STPG2: variants seen among roughly 807,000 people sequenced by gnomAD.
STPG2 encodes sperm tail PG-rich repeat containing 2.
Under a neutral mutation model 54.2 loss-of-function variants are expected in STPG2, and 56 were observed. That is an observed-to-expected ratio of 1.03 (90% CI 0.83 to 1.29). The LOEUF is 1.29. Ranked by LOEUF, STPG2 falls within the 50% of genes most tolerant of loss-of-function variation. The pLI is 0.00. For missense variants in STPG2, 596 were observed against 544.9 expected (o/e 1.09, Z -0.93); for synonymous variants, 200 against 181.8 (o/e 1.10, Z -0.81).
At chr4:98,013,579 G>C (rs1022840242) in intron 5 of STPG2, among the ~76,000 whole-genome samples, 2 of 96,670 alleles carry the variant, frequency 2.1e-5, no homozygotes, top group Admixed American at 2.5e-4. Context: ...CTGGTCCTGG[G>C]CTTTTTTTTT....
intron 4 of STPG2, among the ~76,000 whole-genome samples, chr4:97,457,197 A>C (rs1030140311): frequency 8.5e-5 from 13 of 152,234 alleles, no homozygotes; most frequent in Non-Finnish European, 1.6e-4. Flanking sequence ...TTTTGGCAGT[A>C]TTTTAACGAA....
chr4:97,472,500 T>C (rs1293300083), intron 4 of STPG2, among the ~76,000 whole-genome samples: 1 of 152,172 alleles, frequency 6.6e-6, no homozygotes, highest in African/African-American at 2.4e-5. Context: ...AGGAAGAAAA[T>C]ATGTCCATAC....
intron 10 of STPG2, among the ~76,000 whole-genome samples, chr4:97,644,943 C>T (rs1331720077): frequency 6.6e-6 from 1 of 151,938 alleles, no homozygotes; most frequent in African/African-American, 2.4e-5. Flanking sequence ...TTTTTTCCTT[C>T]ACAATGTCAT....
intron 10 of STPG2, among the ~76,000 whole-genome samples, chr4:97,603,129 C>A (rs1193594628): frequency 2.0e-5 from 3 of 151,482 alleles, no homozygotes; most frequent in African/African-American, 7.3e-5. Context: ...AAAAAACAAA[C>A]AAACCAATTT....
intron 8 of STPG2, among the ~76,000 whole-genome samples, chr4:97,874,332 T>A (rs1029030757): frequency 6.6e-6 from 1 of 151,654 alleles, no homozygotes; most frequent in Non-Finnish European, 1.5e-5. Flanking sequence ...ATTTCTCTTA[T>A]CTCCCAAGTA....
intron 10 of STPG2, among the ~76,000 whole-genome samples, chr4:97,600,919 A>C (rs1360081211): frequency 6.6e-6 from 1 of 152,102 alleles, no homozygotes; most frequent in Non-Finnish European, 1.5e-5. Context: ...GAATGCAGAG[A>C]AATTTTAGCC....
intron 4 of STPG2, among the ~76,000 whole-genome samples, chr4:97,464,336 A>C (rs573910020): frequency 6.6e-6 from 1 of 152,302 alleles, no homozygotes; most frequent in East Asian, 1.9e-4. Context: ...ATTACTTAAT[A>C]CTTTGGAAGA....
chr4:97,843,955 G>C (rs2149124292), intron 8 of STPG2, among the ~76,000 whole-genome samples: 1 of 151,806 alleles, frequency 6.6e-6, no homozygotes, highest in Admixed American at 6.6e-5. Context: ...GTATGAAAAG[G>C]ATTCAGAATT....
intron 10 of STPG2, among the ~76,000 whole-genome samples, chr4:97,578,102 C>CTTTTTTTT (rs10571752): frequency 2.6e-5 from 3 of 115,984 alleles, no homozygotes; most frequent in Non-Finnish European, 3.5e-5. Flanking sequence ...TTCTTTCTTT[C>CTTTTTTTT]TTTTTTTTTT....
At chr4:98,102,001 G>A (rs991973059) in intron 5 of STPG2, among the ~76,000 whole-genome samples, 3 of 151,962 alleles carry the variant, frequency 2.0e-5, no homozygotes, top group Non-Finnish European at 1.5e-5. Flanking sequence ...TACAATACAG[G>A]TTTCTACTCT....
At chr4:97,485,597 G>T (rs748080131) in intron 4 of STPG2, among the ~76,000 whole-genome samples, 53 of 151,902 alleles carry the variant, frequency 3.5e-4, no homozygotes, top group Non-Finnish European at 6.6e-4. Context: ...CTCATGGATG[G>T]ATAGAATCCA....
intron 8 of STPG2, among the ~76,000 whole-genome samples, chr4:97,906,498 C>G (rs1233275037): frequency 6.6e-6 from 1 of 152,150 alleles, no homozygotes; most frequent in Non-Finnish European, 1.5e-5. Flanking sequence ...AAGAGAGAAT[C>G]CTCCCTAACT....
chr4:97,882,596 T>C (rs2123100), intron 8 of STPG2, among the ~76,000 whole-genome samples: 88,543 of 151,924 alleles, frequency 0.58, 26,372 homozygotes, highest in East Asian at 0.74. Flanking sequence ...ATGCCCCTCA[T>C]ACCACTAGCA....
chr4:97,880,373 C>A (rs1246147669), intron 8 of STPG2, among the ~76,000 whole-genome samples: 2 of 152,088 alleles, frequency 1.3e-5, no homozygotes, highest in Non-Finnish European at 2.9e-5. Context: ...AAAGACAGAG[C>A]AAGTATGCCC....
chr4:97,679,694 C>A (rs544172367), intron 10 of STPG2, among the ~76,000 whole-genome samples: 45 of 152,234 alleles, frequency 3.0e-4, no homozygotes, highest in African/African-American at 1.0e-3. Context: ...GACATGAAGT[C>A]CTTGCCCATG....
chr4:98,012,058 G>A (rs1735772608), intron 5 of STPG2, among the ~76,000 whole-genome samples: 2 of 152,104 alleles, frequency 1.3e-5, no homozygotes, highest in African/African-American at 4.8e-5. Flanking sequence ...TATTGTCTAG[G>A]TTTTCTTCTA....
intron 9 of STPG2, among the ~76,000 whole-genome samples, chr4:97,814,234 C>A (rs1315991270): frequency 3.3e-5 from 5 of 152,176 alleles, no homozygotes; most frequent in Admixed American, 6.5e-5. Flanking sequence ...CAAAACAATA[C>A]CTTCCTTAAA....
chr4:98,019,026 T>G (rs10001876), intron 5 of STPG2, among the ~76,000 whole-genome samples: 57,942 of 149,360 alleles, frequency 0.39, 11,417 homozygotes, highest in Middle Eastern at 0.45. Context: ...AGTTTAATGA[T>G]ATCCCATTTG....
intron 8 of STPG2, among the ~76,000 whole-genome samples, chr4:97,879,444 C>T (rs1445833278): frequency 6.6e-6 from 1 of 152,040 alleles, no homozygotes; most frequent in East Asian, 1.9e-4. Context: ...CACAATCATG[C>T]TGGAAGGCAA....
Sources: gnomAD v4.1 joint callset for allele counts (sites outside exome capture counted in the v4.1 genomes callset) on GRCh38, gnomAD v4.1.1 for gene constraint, MANE v1.5 for transcripts, NCBI Gene and HGNC (gene_info 2026-07-23, HGNC 2026-07-21) for gene names.